The following HDAC11 variants were observed in gnomAD, a reference collection of about 807,000 sequenced individuals.
The protein encoded by HDAC11 is histone deacetylase 11.
In HDAC11, 23 loss-of-function variants were observed where a neutral mutation model predicts 41.1. The ratio of observed to expected loss-of-function variants is 0.56; its 90% CI spans 0.40 to 0.79. HDAC11 has a LOEUF of 0.79. Ranked by LOEUF, HDAC11 falls within the 30% of genes least tolerant of loss-of-function variation. The probability of loss-of-function intolerance (pLI) is 0.00; values close to 1 mark genes in which losing one functional copy is unlikely to be tolerated. For missense variants in HDAC11, 402 were observed against 477.3 expected, an observed-to-expected ratio of 0.84 and a Z score of 1.47; for synonymous variants, 187 against 186.6, an observed-to-expected ratio of 1.00 and a Z score of -0.02.
chr3:13,504,310 C>T, intron 9 of HDAC11, 38 bp downstream of exon 9: 1 of 1,606,348 alleles, frequency 6.2e-7, no homozygotes, highest in Non-Finnish European at 8.5e-7. Context: ...AGGGTCTGCT[C>T]TATGGACTCA....
chr3:13,506,083 AT>A lies in HDAC11; in HGVS notation c.*1401del, dbSNP rs959000423. 6.6e-6 allele frequency: 1 copy of A among 152,186 alleles called. No homozygotes were observed. The highest frequency in any genetic ancestry group is 6.5e-5 in the Admixed American group (1 of 15,290). 9.4% of individuals were successfully genotyped at this position (152,186 alleles called of 1,614,324 possible). A position where few individuals can be genotyped will look rare whatever the true frequency, so the allele number is the denominator to read the frequency against. On this transcript the variant is annotated 3_prime_UTR_variant, in exon 10 of 10. Coordinates refer to ENST00000295757, the MANE Select transcript of HDAC11 (RefSeq NM_024827.4). The stretch of plus-strand genomic sequence containing the variant: ...GTTCCAAGATCACAAAATGTCAACA[AT>A]GCTGGCCTCCTGGACCAGACCCCGA...
intron 3 of HDAC11, among the ~76,000 whole-genome samples, chr3:13,486,003 C>T (rs777199592): frequency 6.6e-6 from 1 of 152,088 alleles, no homozygotes; most frequent in Non-Finnish European, 1.5e-5. Flanking sequence ...TGCAGTGACT[C>T]ATGCCTGTAA....
At chr3:13,501,421 G>A (rs1702360173) in intron 6 of HDAC11, among the ~76,000 whole-genome samples, 1 of 152,204 alleles carries the variant, frequency 6.6e-6, no homozygotes, top group South Asian at 2.1e-4. Flanking sequence ...GAAGGGGGAA[G>A]CACAGGAGAC....
intron 3 of HDAC11, 77 bp downstream of exon 3, chr3:13,483,641 T>C: frequency 8.6e-7 from 1 of 1,165,910 alleles, no homozygotes; most frequent in Non-Finnish European, 1.3e-6. Context: ...AGGCAGGAGG[T>C]GACTCAGCCT....
At position 13,483,540 on chromosome 3, in the gene HDAC11, G is replaced by C. The variant is rs761119054; in HGVS notation, c.228G>C (p.Thr76=). 1.2e-6 allele frequency: 2 copies of C among 1,613,888 alleles called. No homozygotes were observed. Among genetic ancestry groups the C allele is most frequent in the South Asian group, 1.1e-5 (1 of 91,082 alleles). Residue 76 remains threonine (T), a synonymous_variant, in exon 3 of 10, where the codon ACG becomes ACC. Coordinates refer to ENST00000295757, the MANE Select transcript of HDAC11 (RefSeq NM_024827.4). ...AGGAGGACCTGCTGGTGGTGCACAC[G>C]AGGCGCTATCTTAATGAGCTCAAGG... ...ASEEDLLVVH[T]RRYLNELKWS...
At chr3:13,484,019 G>A (rs1411293553) in intron 3 of HDAC11, among the ~76,000 whole-genome samples, 1 of 152,152 alleles carries the variant, frequency 6.6e-6, no homozygotes, top group Non-Finnish European at 1.5e-5. Context: ...GTGCAGTGAT[G>A]TGATCTCGGC....
At chr3:13,489,124 A>G (rs1268773477) in intron 3 of HDAC11, among the ~76,000 whole-genome samples, 1 of 152,058 alleles carries the variant, frequency 6.6e-6, no homozygotes, top group African/African-American at 2.4e-5. Flanking sequence ...GTTGAGTTGT[A>G]GGGTTCTTTA....
At chr3:13,499,268 C>T (rs1039445716) in intron 5 of HDAC11, among the ~76,000 whole-genome samples, 6 of 152,220 alleles carry the variant, frequency 3.9e-5, no homozygotes, top group African/African-American at 1.4e-4. Context: ...CTCCCAGGTT[C>T]AAACAATTCT....
At chr3:13,482,659 C>T (rs1209249267) in intron 2 of HDAC11, among the ~76,000 whole-genome samples, 2 of 152,282 alleles carry the variant, frequency 1.3e-5, no homozygotes, top group African/African-American at 4.8e-5. Context: ...TGGTGGTATG[C>T]ACCTATAGTC....
chr3:13,483,054 A>T (rs1226072284), intron 2 of HDAC11, among the ~76,000 whole-genome samples: 2 of 143,104 alleles, frequency 1.4e-5, no homozygotes, highest in Non-Finnish European at 3.0e-5. Context: ...CCTGGCCAAG[A>T]CCCTGTCTCT....
At position 13,505,066 on chromosome 3, in the gene HDAC11, A is replaced by AC. The variant is rs1453255234; in HGVS notation, c.*385dup. On this transcript the variant is annotated 3_prime_UTR_variant, in exon 10 of 10. Coordinates refer to ENST00000295757, the MANE Select transcript of HDAC11 (RefSeq NM_024827.4). ...CCCAGGTCGGAGTGAGGAAGCTTCCACCTCCATCCTGACTAGGCCTGCATC... is the reference window on the plus strand; with the variant it reads ...CCCAGGTCGGAGTGAGGAAGCTTCCACCCTCCATCCTGACTAGGCCTGCATC... 1.4e-5 allele frequency: 4 copies of AC among 286,958 alleles called. No homozygotes were observed. The highest frequency in any genetic ancestry group is 2.7e-5 in the Non-Finnish European group (4 of 147,098). 17.8% of individuals were successfully genotyped at this position (286,958 alleles called of 1,614,324 possible).
intron 8 of HDAC11, 101 bp from the exon 9 acceptor site, chr3:13,503,993 T>A: frequency 9.0e-7 from 1 of 1,113,604 alleles, no homozygotes; most frequent in Non-Finnish European, 1.3e-6. Context: ...CAGTGCTGAA[T>A]CTGACAGACC....
chr3:13,493,703 G>A (rs993875126), intron 3 of HDAC11, among the ~76,000 whole-genome samples: 5 of 152,198 alleles, frequency 3.3e-5, no homozygotes, highest in Admixed American at 1.3e-4. Flanking sequence ...CCTCTTCACT[G>A]CCCGAAGCCT....
intron 2 of HDAC11, among the ~76,000 whole-genome samples, chr3:13,482,410 T>C (rs1281219976): frequency 6.6e-6 from 1 of 152,208 alleles, no homozygotes; most frequent in African/African-American, 2.4e-5. Flanking sequence ...GACTGATTAG[T>C]GGTTTGAACG....
At chr3:13,491,229 C>G (rs931353052) in intron 3 of HDAC11, among the ~76,000 whole-genome samples, 1 of 151,872 alleles carries the variant, frequency 6.6e-6, no homozygotes, top group African/African-American at 2.4e-5. Context: ...ATTGGAACTT[C>G]CAGTACTATG....
At position 13,504,159 on chromosome 3, in the gene HDAC11, G is replaced by T. The variant is rs1702500613; in HGVS notation, c.715G>T (p.Glu239Ter). The change falls in exon 9 of 10, where the codon GAG (glutamate) becomes TAG (stop). Residue 239 changes from glutamate to a stop codon, truncating the protein, a stop_gained. Coordinates refer to ENST00000295757, the MANE Select transcript of HDAC11 (RefSeq NM_024827.4). LOFTEE classifies it high-confidence loss of function. ...GGATGATGAGTACCTGGATAAGGTG[G>T]AGAGGAACATCAAGAAATCCCTCCA... ...TEDDEYLDKVERNIKKSLQEH... is the reference protein window; with the variant it reads ...TEDDEYLDKV 1 of 1,613,986 alleles carries T rather than the reference G, an allele frequency of 6.2e-7. No homozygotes were observed. Among genetic ancestry groups the T allele is most frequent in the African/African-American group, 1.3e-5 (1 of 74,938 alleles).
intron 2 of HDAC11, among the ~76,000 whole-genome samples, chr3:13,482,699 A>T (rs1261331369): frequency 6.6e-6 from 1 of 152,218 alleles, no homozygotes; most frequent in Non-Finnish European, 1.5e-5. Flanking sequence ...AGGCAGGAGG[A>T]TCACTTGAGC....
At position 13,504,814 on chromosome 3, in the gene HDAC11, T is replaced by C. The variant is rs185167971; in HGVS notation, c.*131T>C. The stretch of plus-strand genomic sequence containing the variant: ...GGCAGGGCCATCCCTGGCTGGGGCC[T>C]GGAGCTGGCCCTTCCTCTACTTTTC... On this transcript the variant is annotated 3_prime_UTR_variant, in exon 10 of 10. Coordinates refer to ENST00000295757, the MANE Select transcript of HDAC11 (RefSeq NM_024827.4). The C allele has an allele frequency of 1.6e-5, 13 of 808,522 alleles. No homozygotes were observed. The highest frequency in any genetic ancestry group is 3.4e-4 in the Middle Eastern group (1 of 2,940). 50.1% of individuals were successfully genotyped at this position (808,522 alleles called of 1,614,324 possible). A position where few individuals can be genotyped will look rare whatever the true frequency, so the allele number is the denominator to read the frequency against.
chr3:13,499,739 T>C (rs1008102239), intron 5 of HDAC11, among the ~76,000 whole-genome samples: 4 of 152,218 alleles, frequency 2.6e-5, no homozygotes, highest in African/African-American at 9.6e-5. Flanking sequence ...GTTATGGTAC[T>C]CTGCTGCACA....
Sources: allele counts gnomAD v4.1 joint callset (sites outside exome capture counted in the v4.1 genomes callset), GRCh38; gene constraint gnomAD v4.1.1; transcripts MANE v1.5; gene names NCBI Gene and HGNC (gene_info 2026-07-23, HGNC 2026-07-21).